Variants in PLCB1 observed in about 807,000 individuals in gnomAD.
PLCB1 encodes the protein 1-phosphatidylinositol 4,5-bisphosphate phosphodiesterase beta-1.
A neutral mutation model predicts 161.8 loss-of-function variants in PLCB1; 46 were observed. That is an observed-to-expected ratio of 0.28 (90% CI 0.22 to 0.36). The LOEUF (loss-of-function observed/expected upper bound fraction) is 0.36, where lower values mean the gene tolerates loss of function less well. PLCB1 is among the 10% of genes least tolerant of loss of function. The probability of loss-of-function intolerance (pLI) is 1.00; values close to 1 mark genes in which losing one functional copy is unlikely to be tolerated. For missense variants in PLCB1, 1,016 were observed against 1,472.5 expected (o/e 0.69, Z 5.07); for synonymous variants, 517 against 503.7 (o/e 1.03, Z -0.35).
intron 10 of PLCB1, among the ~76,000 whole-genome samples, chr20:8,696,052 G>T (rs957090119): frequency 6.6e-6 from 1 of 152,066 alleles, no homozygotes; most frequent in Non-Finnish European, 1.5e-5. Context: ...TTGTGTTTTT[G>T]GTGTTGTATC....
At chr20:8,586,081 A>G (rs1305875430) in intron 3 of PLCB1, among the ~76,000 whole-genome samples, 1 of 152,204 alleles carries the variant, frequency 6.6e-6, no homozygotes, top group East Asian at 1.9e-4. Flanking sequence ...AGCCTCCTTG[A>G]TTAATCACAT....
Position 8,649,160 on chromosome 20 carries a change from C to T in PLCB1, c.519-214C>T, listed in dbSNP as rs1473698. 0.44 allele frequency among the ~76,000 whole-genome samples: 67,197 copies of T among 151,976 alleles called. 15,532 individuals are homozygous for T. The highest frequency in any genetic ancestry group is 0.56 in the African/African-American group (23,090 of 41,452). On this transcript the variant is annotated intron_variant, in intron 6 of 31. Transcript: ENST00000338037. ...GGGTCAGCACCATAATCCTAAAATA[C>T]TGATTTTATACTAGACACCTTAATT...
intron 2 of PLCB1, among the ~76,000 whole-genome samples, chr20:8,239,194 C>A (rs2123200209): frequency 6.6e-6 from 1 of 152,086 alleles, no homozygotes; most frequent in South Asian, 2.1e-4. Context: ...GGACAGGGAA[C>A]TAACGCCTTC....
chr20:8,132,780 G>C lies in PLCB1; in HGVS notation c.99+30G>C. On this transcript the variant is annotated intron_variant, in intron 1 of 31. Coordinates refer to ENST00000338037, the MANE Select transcript of PLCB1 (RefSeq NM_015192.4). The surrounding 1 kb of genome is among the most constrained non-coding windows in gnomAD (Gnocchi z 5.2). ...GTATTGGGGCGGCCCGAGTCGGGGCGCTGGCTCGGGCACCGGGCAGGGCGG... is the reference window on the plus strand; with the variant it reads ...GTATTGGGGCGGCCCGAGTCGGGGCCCTGGCTCGGGCACCGGGCAGGGCGG... The C allele has an allele frequency of 2.7e-6, 4 of 1,504,534 alleles. No homozygotes were observed. Among genetic ancestry groups the C allele is most frequent in the Non-Finnish European group, 2.8e-6 (3 of 1,084,352 alleles). The allele number at this position is 1,504,534 out of a possible 1,614,324, so 93.2% of individuals were successfully genotyped here. A position where few individuals can be genotyped will look rare whatever the true frequency, so the allele number is the denominator to read the frequency against.
intron 23 of PLCB1, chr20:8,752,117 AG>A (rs1428264416): frequency 1.3e-5 from 2 of 152,180 alleles, no homozygotes; most frequent in Non-Finnish European, 2.9e-5. Context: ...TTAGTGCAAC[AG>A]GGTAGTTCTT....
At chr20:8,561,484 CA>C (rs1986140033) in intron 3 of PLCB1, among the ~76,000 whole-genome samples, 1 of 151,774 alleles carries the variant, frequency 6.6e-6, no homozygotes. Context: ...AGAGTTGAAA[CA>C]AAATACAATG....
chr20:8,681,086 G>GTGTGTGTGTATATATATATATATA (rs1394518085), intron 9 of PLCB1, among the ~76,000 whole-genome samples: 7 of 73,836 alleles, frequency 9.5e-5, no homozygotes, highest in Non-Finnish European at 1.6e-4. Flanking sequence ...ATGTGTGTGT[G>GTGTGTGTGTATATATATATATATA]TATATATATA....
At chr20:8,151,810 T>C (rs2123034942) in intron 2 of PLCB1, among the ~76,000 whole-genome samples, 1 of 152,300 alleles carries the variant, frequency 6.6e-6, no homozygotes, top group African/African-American at 2.4e-5. Flanking sequence ...GTTTGATTTT[T>C]CAACTTGTAG....
intron 9 of PLCB1, among the ~76,000 whole-genome samples, chr20:8,671,582 T>G (rs1218289618): frequency 6.6e-6 from 1 of 152,208 alleles, no homozygotes; most frequent in Admixed American, 6.5e-5. Flanking sequence ...CCACCGGAGC[T>G]CAGCTTCTTT....
At chr20:8,783,556 T>C (rs1351519042) in intron 27 of PLCB1, among the ~76,000 whole-genome samples, 2 of 152,240 alleles carry the variant, frequency 1.3e-5, no homozygotes, top group Non-Finnish European at 2.9e-5. Flanking sequence ...TTGTTTGTTT[T>C]TATTTTATCC....
intron 3 of PLCB1, among the ~76,000 whole-genome samples, chr20:8,513,062 G>T (rs73894564): frequency 0.028 from 4,333 of 152,138 alleles, 202 homozygotes; most frequent in African/African-American, 0.098. Context: ...TCTGTGCCTG[G>T]CTTATTTTAC....
chr20:8,715,433 AC>A (rs1255491088), intron 12 of PLCB1, among the ~76,000 whole-genome samples: 2 of 152,130 alleles, frequency 1.3e-5, no homozygotes, highest in Non-Finnish European at 2.9e-5. Context: ...TGCATCCATT[AC>A]TTCATTTCAT....
chr20:8,194,458 G>A (rs1175386497), intron 2 of PLCB1, among the ~76,000 whole-genome samples: 1 of 151,972 alleles, frequency 6.6e-6, no homozygotes, highest in East Asian at 1.9e-4. Flanking sequence ...TTCATATGCA[G>A]TTAAATTAAC....
At chr20:8,232,621 C>T (rs1395481955) in intron 2 of PLCB1, among the ~76,000 whole-genome samples, 1 of 152,158 alleles carries the variant, frequency 6.6e-6, no homozygotes, top group African/African-American at 2.4e-5. Flanking sequence ...GGAATCCTTT[C>T]AGAAGCCTGA....
At chr20:8,707,002 G>A (rs901493634) in intron 11 of PLCB1, among the ~76,000 whole-genome samples, 2 of 152,174 alleles carry the variant, frequency 1.3e-5, no homozygotes, top group Non-Finnish European at 2.9e-5. Flanking sequence ...TGAATCCAAA[G>A]CCTATACTCA....
chr20:8,405,779 T>C (rs1978759127), intron 3 of PLCB1, among the ~76,000 whole-genome samples: 1 of 152,174 alleles, frequency 6.6e-6, no homozygotes, highest in South Asian at 2.1e-4. Context: ...ATACATTATA[T>C]TGAAAAAAGA....
At chr20:8,863,642 C>T (rs6108203) in intron 31 of PLCB1, among the ~76,000 whole-genome samples, 4,386 of 152,282 alleles carry the variant, frequency 0.029, 82 homozygotes, top group African/African-American at 0.056. Context: ...CCTCACACAC[C>T]GTACTTGCTC....
At chr20:8,289,254 A>G (rs1177150732) in intron 2 of PLCB1, among the ~76,000 whole-genome samples, 1 of 152,326 alleles carries the variant, frequency 6.6e-6, no homozygotes, top group South Asian at 2.1e-4. Flanking sequence ...ACTGCTTTAA[A>G]CAAGCACTTG....
chr20:8,534,719 C>A (rs1984971158), intron 3 of PLCB1, among the ~76,000 whole-genome samples: 1 of 152,108 alleles, frequency 6.6e-6, no homozygotes, highest in African/African-American at 2.4e-5. Flanking sequence ...TACAAAGCAA[C>A]TGAGATATGC....
Sources: gnomAD v4.1 joint callset for allele counts (sites outside exome capture counted in the v4.1 genomes callset) on GRCh38, gnomAD v4.1.1 for gene constraint, Gnocchi (gnomAD v3.1) non-coding constraint, MANE v1.5 for transcripts, NCBI Gene and HGNC (gene_info 2026-07-23, HGNC 2026-07-21) for gene names.